The following SPRY3 variants were observed in gnomAD, a reference collection of about 807,000 sequenced individuals.
SPRY3 encodes the protein sprouty RTK signaling antagonist 3.
Under a neutral mutation model 20.2 loss-of-function variants are expected in SPRY3, and 15 were observed. The ratio of observed to expected loss-of-function variants is 0.74; its 90% CI spans 0.50 to 1.14. SPRY3 has a LOEUF of 1.14. SPRY3 is among the 50% of genes most tolerant of loss of function. SPRY3 has a pLI of 0.00. For missense variants in SPRY3, 364 were observed against 363.9 expected (o/e 1.00, Z 0.00); for synonymous variants, 143 against 136.5 (o/e 1.05, Z -0.33).
chrX:155,742,949 GA>G (rs1275387262), intron 2 of SPRY3, among the ~76,000 whole-genome samples: 3 of 151,920 alleles, frequency 2.0e-5, no homozygotes, highest in Non-Finnish European at 4.4e-5. Flanking sequence ...AAAGCTAGCA[GA>G]AGACAAGAAA....
In SPRY3 at chrX:155,761,963, G is replaced by A. The variant is rs971012200; in HGVS notation, c.-281-5999G>A. 2.6e-4 allele frequency among the ~76,000 whole-genome samples: 40 copies of A among 151,640 alleles called. 1 individual carries two copies. The highest frequency in any genetic ancestry group is 4.2e-4 in the South Asian group (2 of 4,790). The stretch of plus-strand genomic sequence containing the variant: ...TTTCAAAACTCCAATGATCTCTTTC[G>A]TGTTAACAAGCCTTAAAATTCCTCA... On this transcript the variant is annotated intron_variant, in intron 2 of 3. Coordinates refer to ENST00000675360, the Ensembl canonical transcript of SPRY3.
At chrX:155,761,631 G>T (rs1037863134) in intron 2 of SPRY3, among the ~76,000 whole-genome samples, 1 of 151,734 alleles carries the variant, frequency 6.6e-6, no homozygotes, top group African/African-American at 2.4e-5. Context: ...TCTCCAAACT[G>T]CTTTCCAAAG....
intron 2 of SPRY3, chrX:155,767,705 A>AGGC (rs1569399893): frequency 9.7e-6 from 1 of 102,666 alleles, no homozygotes; most frequent in Non-Finnish European, 2.0e-5. Context: ...GAGGAGAAAG[A>AGGC]AGAGGAGGAG....
downstream of SPRY3, chrX:155,780,463 A>G (rs1260259221): frequency 1.2e-5 from 2 of 167,062 alleles, no homozygotes; most frequent in South Asian, 2.1e-4. Context: ...GATAACAAAA[A>G]GAAACACTAC....
intron 1 of SPRY3, among the ~76,000 whole-genome samples, chrX:155,623,261 C>G (rs1467766207): frequency 9.0e-6 from 1 of 111,615 alleles, no homozygotes; most frequent in Admixed American, 9.5e-5. Flanking sequence ...GGCTATTGTC[C>G]TCTATGACTC....
chrX:155,673,093 T>C (rs2068048220), intron 2 of SPRY3, among the ~76,000 whole-genome samples: 1 of 82,075 alleles, frequency 1.2e-5, no homozygotes, highest in African/African-American at 4.3e-5. Context: ...AGGGATAGCA[T>C]TAGGAGATAT....
At chrX:155,743,114 A>T (rs1457386183) in intron 2 of SPRY3, among the ~76,000 whole-genome samples, 1 of 152,142 alleles carries the variant, frequency 6.6e-6, no homozygotes, top group Non-Finnish European at 1.5e-5. Flanking sequence ...AATAGACACA[A>T]TCAGAAATGG....
chrX:155,730,444 C>A lies in SPRY3; in HGVS notation c.-281-37518C>A, dbSNP rs148666262. Among the ~76,000 whole-genome samples the A allele has an allele frequency of 1.1e-4, 16 of 152,230 alleles. No homozygotes were observed. In the East Asian group the frequency reaches 2.7e-3, roughly 26 times the overall value. ...GAATGGAGGACAAAAACCATGTGAT[C>A]ATTTCAATAGATGCTGAAAAAGCAT... On this transcript the variant is annotated intron_variant, in intron 2 of 3. Coordinates refer to ENST00000675360, the Ensembl canonical transcript of SPRY3.
At chrX:155,710,423 C>G (rs948635510) in intron 2 of SPRY3, among the ~76,000 whole-genome samples, 1 of 151,298 alleles carries the variant, frequency 6.6e-6, no homozygotes, top group African/African-American at 2.4e-5. Context: ...TTTTGTGTGG[C>G]TATTGTAAAT....
intron 2 of SPRY3, among the ~76,000 whole-genome samples, chrX:155,747,745 A>T (rs1461538989): frequency 6.6e-6 from 1 of 151,998 alleles, no homozygotes; most frequent in Non-Finnish European, 1.5e-5. Context: ...AGGAAGACAA[A>T]GGTAATACAA....
intron 2 of SPRY3, among the ~76,000 whole-genome samples, chrX:155,745,834 G>C (rs1171555436): frequency 1.3e-5 from 2 of 151,988 alleles, no homozygotes; most frequent in African/African-American, 2.4e-5. Flanking sequence ...AGTGATAAAA[G>C]CTCAGAAACA....
chrX:155,729,822 GA>G (rs951730705), intron 2 of SPRY3, among the ~76,000 whole-genome samples: 76 of 150,902 alleles, frequency 5.0e-4, no homozygotes, highest in African/African-American at 1.3e-3. Context: ...GACTCACTAA[GA>G]AAAAAAAGAT....
At chrX:155,760,364 G>A (rs1569397465) in intron 2 of SPRY3, among the ~76,000 whole-genome samples, 1 of 152,140 alleles carries the variant, frequency 6.6e-6, no homozygotes, top group Non-Finnish European at 1.5e-5. Context: ...CTTAGCATAA[G>A]GATTGGCTTA....
rs189820576 is a variant in SPRY3, at chrX:155,667,412, G to A, written c.-282+10387G>A. ...GGACTCCAAATGGTAAGAGTGAATG[G>A]AATTCAAAGCATAGAGGAAGAGATT... On this transcript the variant is annotated intron_variant, in intron 2 of 3. Transcript: ENST00000675360. 3.6e-5 allele frequency among the ~76,000 whole-genome samples: 4 copies of A among 111,274 alleles called. No individual in the cohort carries two copies. In the East Asian group the frequency reaches 1.1e-3, roughly 31 times the overall value.
downstream of SPRY3, chrX:155,777,592 G>A (rs761901396): frequency 3.9e-3 from 111 of 28,650 alleles, 1 homozygote; most frequent in African/African-American, 0.034. Context: ...TGGGATATGC[G>A]CATGGACGTG....
intron 2 of SPRY3, among the ~76,000 whole-genome samples, chrX:155,699,270 G>A (rs1022647614): frequency 2.7e-5 from 3 of 111,361 alleles, no homozygotes; most frequent in African/African-American, 9.8e-5. Flanking sequence ...AGAAAGAATG[G>A]TGCATGTGAC....
At chrX:155,715,806 C>G (rs1448130295) in intron 2 of SPRY3, among the ~76,000 whole-genome samples, 1 of 152,188 alleles carries the variant, frequency 6.6e-6, no homozygotes, top group East Asian at 1.9e-4. Flanking sequence ...CAGGTGCTGG[C>G]TGAGCCCAGC....
At chrX:155,700,306 A>T (rs1325806571) in intron 2 of SPRY3, among the ~76,000 whole-genome samples, 1 of 109,051 alleles carries the variant, frequency 9.2e-6, no homozygotes, top group Non-Finnish European at 1.9e-5. Flanking sequence ...GTTGTTGAGG[A>T]TATGGGGAAA....
At chrX:155,738,213 A>T (rs1456931319) in intron 2 of SPRY3, among the ~76,000 whole-genome samples, 1 of 152,156 alleles carries the variant, frequency 6.6e-6, no homozygotes, top group African/African-American at 2.4e-5. Flanking sequence ...AAATGAAAAA[A>T]ATGCACTGGG....
Sources: allele counts gnomAD v4.1 joint callset (sites outside exome capture counted in the v4.1 genomes callset), GRCh38; gene constraint gnomAD v4.1.1; transcripts MANE v1.5; gene names NCBI Gene and HGNC (gene_info 2026-07-23, HGNC 2026-07-21).